The following SLC1A7 variants were observed in gnomAD, a reference collection of about 807,000 sequenced individuals.
SLC1A7 encodes the protein excitatory amino acid transporter 5.
Under a neutral mutation model 47.7 loss-of-function variants are expected in SLC1A7, and 40 were observed. The observed-to-expected ratio is 0.84, with a 90% CI of 0.65 to 1.09. SLC1A7 has a LOEUF of 1.09. SLC1A7 is among the 50% of genes least tolerant of loss of function. The pLI is 0.00. For missense variants in SLC1A7, 746 were observed against 769.5 expected (o/e 0.97, Z 0.36); for synonymous variants, 323 against 325.6 (o/e 0.99, Z 0.09).
Position 53,114,186 on chromosome 1 carries a change from G to A in SLC1A7, c.431+572C>T, listed in dbSNP as rs138888619. Among the ~76,000 whole-genome samples the A allele has an allele frequency of 2.7e-3, 406 of 152,322 alleles. 1 individual carries two copies. The highest frequency in any genetic ancestry group is 4.5e-3 in the Non-Finnish European group (308 of 68,038). On this transcript the variant is annotated intron_variant, in intron 3 of 10. Coordinates refer to ENST00000371494, the MANE Select transcript of SLC1A7 (RefSeq NM_006671.6). ...GGGGACCCGGGGAAAGGGAGTGGAA[G>A]GTGGCTGTGCCGCTGGGTCTGCAGT...
chr1:53,127,038 G>GTGT (rs774570332), intron 2 of SLC1A7, among the ~76,000 whole-genome samples: 1 of 97,564 alleles, frequency 1.0e-5, no homozygotes, highest in African/African-American at 4.1e-5. Context: ...AATTTTAAAA[G>GTGT]TTTTTTTTTT....
intron 2 of SLC1A7, among the ~76,000 whole-genome samples, chr1:53,130,857 G>A (rs909530414): frequency 1.3e-5 from 2 of 152,104 alleles, no homozygotes; most frequent in Non-Finnish European, 2.9e-5. Flanking sequence ...CCCTGGGCTG[G>A]CCAGGAGCAA....
At chr1:53,127,334 G>A (rs955642222) in intron 2 of SLC1A7, among the ~76,000 whole-genome samples, 4 of 152,194 alleles carry the variant, frequency 2.6e-5, no homozygotes, top group Non-Finnish European at 5.9e-5. Flanking sequence ...CAGTAAGGGA[G>A]CAGTCCTTAT....
At chr1:53,122,345 G>A (rs567517133) in intron 2 of SLC1A7, among the ~76,000 whole-genome samples, 4 of 152,168 alleles carry the variant, frequency 2.6e-5, no homozygotes, top group Admixed American at 6.5e-5. Flanking sequence ...CTCTGGCCTT[G>A]GCTGACCTAG....
intron 2 of SLC1A7, among the ~76,000 whole-genome samples, chr1:53,124,089 A>AGTG (rs1644854062): frequency 6.6e-6 from 1 of 152,260 alleles, no homozygotes; most frequent in Non-Finnish European, 1.5e-5. Context: ...ATTTCCAATA[A>AGTG]GTTAGAATGT....
intron 2 of SLC1A7, among the ~76,000 whole-genome samples, chr1:53,130,991 C>A (rs55747612): frequency 5.3e-5 from 8 of 152,148 alleles, no homozygotes; most frequent in Non-Finnish European, 8.8e-5. Flanking sequence ...TATCTCCCCC[C>A]TGAAGGTTTA....
intron 3 of SLC1A7, among the ~76,000 whole-genome samples, chr1:53,107,237 G>A (rs1310938709): frequency 3.3e-5 from 5 of 149,520 alleles, no homozygotes; most frequent in African/African-American, 9.9e-5. Flanking sequence ...TCATGTCTCA[G>A]TATAGGAAAT....
intron 3 of SLC1A7, among the ~76,000 whole-genome samples, chr1:53,107,358 A>C (rs1233075130): frequency 6.6e-6 from 1 of 152,146 alleles, no homozygotes; most frequent in Non-Finnish European, 1.5e-5. Context: ...ACAGAGAAAA[A>C]GGACATTCGT....
chr1:53,121,167 TG>T (rs1331556436), intron 2 of SLC1A7, among the ~76,000 whole-genome samples: 1 of 152,248 alleles, frequency 6.6e-6, no homozygotes, highest in African/African-American at 2.4e-5. Flanking sequence ...AAGTCTAGTT[TG>T]GCTCTAGGTC....
rs371671737 is a variant in SLC1A7 at position 53,093,752 on chromosome 1, C to T, written c.698-192G>A. On this transcript the variant is annotated intron_variant, in intron 5 of 10. Coordinates refer to ENST00000371494, the MANE Select transcript of SLC1A7 (RefSeq NM_006671.6). ...GTGCTCTCACGTCCTCCTCTCTCAC[C>T]TTCCTCCACGCAGCAGCCAATGTCA... is the stretch of plus-strand genomic sequence containing the variant. 2.4e-4 allele frequency among the ~76,000 whole-genome samples: 36 copies of T among 152,208 alleles called. 1 individual carries two copies. In the East Asian group the frequency reaches 5.8e-3, roughly 25 times the overall value.
chr1:53,120,605 C>T (rs1644808879), intron 2 of SLC1A7, among the ~76,000 whole-genome samples: 1 of 152,216 alleles, frequency 6.6e-6, no homozygotes, highest in African/African-American at 2.4e-5. Context: ...CCCAATGTCC[C>T]CAACCCTGGG....
At chr1:53,141,733 G>A (rs1170959728) in intron 1 of SLC1A7, among the ~76,000 whole-genome samples, 5 of 148,312 alleles carry the variant, frequency 3.4e-5, no homozygotes, top group South Asian at 2.1e-4. Context: ...GCCCCTTCTC[G>A]GCCCCCTGCC....
intron 5 of SLC1A7, among the ~76,000 whole-genome samples, chr1:53,100,266 G>T (rs1034737517): frequency 6.8e-6 from 1 of 146,438 alleles, no homozygotes; most frequent in Non-Finnish European, 1.5e-5. Context: ...GCACCGCCTC[G>T]GTACACTTGC....
intron 2 of SLC1A7, 181 bp from the exon 3 acceptor site, chr1:53,115,154 C>G (rs1193883877): frequency 9.7e-6 from 6 of 617,394 alleles, no homozygotes; most frequent in African/African-American, 1.8e-5. Flanking sequence ...CCCTCTCCCC[C>G]ACGCCCCGGG....
Position 53,093,564 on chromosome 1 carries a change from C to T in SLC1A7, c.698-4G>A, listed in dbSNP as rs199934393. The T allele has an allele frequency of 3.7e-4, 589 of 1,593,836 alleles. 3 individuals are homozygous for T. The African/African-American group carries it at 4.7e-3, about 13-fold the overall frequency. On this transcript the variant is annotated splice_polypyrimidine_tract_variant and splice_region_variant and intron_variant, in intron 5 of 10. Transcript: ENST00000371494. ...CCCATGCGGCCCAGCATGATGCCTG[C>T]GGGTCAGGGACACAGTGCTGTGGTA...
intron 5 of SLC1A7, among the ~76,000 whole-genome samples, chr1:53,099,201 C>A (rs948121819): frequency 8.8e-5 from 1 of 11,302 alleles, no homozygotes; most frequent in African/African-American, 2.0e-4. Context: ...TGCCTTGGTA[C>A]ACTCATACAC....
At position 53,106,195 on chromosome 1, in the gene SLC1A7, T is replaced by A. The variant is rs553149522; in HGVS notation, c.432-421A>T. 2.6e-5 allele frequency among the ~76,000 whole-genome samples: 4 copies of A among 152,112 alleles called. No homozygotes were observed. The East Asian group carries it at 7.7e-4, about 29-fold the overall frequency. ...GGCTCACCTGTCTGCCTCCCCCATA[T>A]AGTGGCCGCCTTGCAGGTGGGACTT... On this transcript the variant is annotated intron_variant, in intron 3 of 10. Transcript: ENST00000371494.
intron 7 of SLC1A7, among the ~76,000 whole-genome samples, chr1:53,092,339 G>A (rs972357259): frequency 2.6e-5 from 4 of 152,254 alleles, no homozygotes; most frequent in African/African-American, 9.6e-5. Flanking sequence ...CAGTGAGCTT[G>A]AGGACTGGGG....
At chr1:53,093,949 C>T (rs924142523) in intron 5 of SLC1A7, among the ~76,000 whole-genome samples, 4 of 152,160 alleles carry the variant, frequency 2.6e-5, no homozygotes, top group Non-Finnish European at 5.9e-5. Flanking sequence ...CCTGGCACCA[C>T]TGGCCTTCTT....
Sources: gnomAD v4.1 joint callset for allele counts (sites outside exome capture counted in the v4.1 genomes callset) on GRCh38, gnomAD v4.1.1 for gene constraint, MANE v1.5 for transcripts, NCBI Gene and HGNC (gene_info 2026-07-23, HGNC 2026-07-21) for gene names.